Variants in LINGO2 observed in about 807,000 individuals in gnomAD.
LINGO2 encodes the protein leucine rich repeat and Ig domain containing 2, also known as leucine-rich repeat and immunoglobulin-like domain-containing nogo receptor-interacting protein 2.
In LINGO2, 14 loss-of-function variants were observed where a neutral mutation model predicts 30.6. That is an observed-to-expected ratio of 0.46 (90% CI 0.30 to 0.72). The LOEUF is 0.72. Ranked by LOEUF, LINGO2 falls within the 30% of genes least tolerant of loss-of-function variation. The pLI is 0.07. For synonymous variants in LINGO2, 317 were observed against 288.5 expected, an observed-to-expected ratio of 1.10 and a Z score of -1.00; for missense variants, 729 against 751.7, an observed-to-expected ratio of 0.97 and a Z score of 0.35.
the LINGO2 span, among the ~76,000 whole-genome samples, chr9:28,836,955 G>GA: frequency 6.6e-6 from 1 of 152,122 alleles, no homozygotes; most frequent in African/African-American, 2.4e-5. Context: ...CTAACATTGG[G>GA]AAAGTTGGTA....
the LINGO2 span, among the ~76,000 whole-genome samples, chr9:29,192,357 A>C: frequency 6.6e-6 from 1 of 152,228 alleles, no homozygotes; most frequent in East Asian, 1.9e-4. Flanking sequence ...TTCTAAAATT[A>C]TACTACAAAC....
At chr9:27,979,667 A>C (rs4142124) in intron 5 of LINGO2, among the ~76,000 whole-genome samples, 3 of 151,762 alleles carry the variant, frequency 2.0e-5, no homozygotes. Context: ...GTAGAATCCT[A>C]TATTTACTTC....
At chr9:28,419,361 CATT>C (rs1349115053) in intron 2 of LINGO2, among the ~76,000 whole-genome samples, 2 of 152,072 alleles carry the variant, frequency 1.3e-5, no homozygotes, top group Non-Finnish European at 2.9e-5. Context: ...AGTTCACAAA[CATT>C]ATTTCATTTT....
chr9:29,160,194 T>C, the LINGO2 span, among the ~76,000 whole-genome samples: 1 of 152,156 alleles, frequency 6.6e-6, no homozygotes, highest in Non-Finnish European at 1.5e-5. Context: ...AGTTTCCAGA[T>C]CTTGCAGATA....
chr9:28,730,614 G>A, the LINGO2 span, among the ~76,000 whole-genome samples: 3 of 152,068 alleles, frequency 2.0e-5, no homozygotes, highest in African/African-American at 7.2e-5. Context: ...AAACATAAAT[G>A]AGTCAATTAG....
the LINGO2 span, among the ~76,000 whole-genome samples, chr9:29,095,979 T>G: frequency 7.3e-6 from 1 of 137,462 alleles, no homozygotes; most frequent in East Asian, 2.5e-4. Flanking sequence ...CTTAGAAACT[T>G]AAAGTATACA....
chr9:27,950,107 A>G lies in LINGO2; in HGVS notation c.565T>C (p.Leu189=), dbSNP rs780557644. 18 of 1,613,970 alleles carry G rather than the reference A, an allele frequency of 1.1e-5. No homozygotes were observed. In the East Asian group the frequency reaches 3.6e-4, roughly 32 times the overall value. Reference sequence around the variant, plus strand: ...AGGGCTTCTGTTGGTACTGCTGTTAAGTTGCATTTCTCCAGGGTGAGCTGC... The same window carrying G: ...AGGGCTTCTGTTGGTACTGCTGTTAGGTTGCATTTCTCCAGGGTGAGCTGC... Residue 189 remains leucine, a synonymous_variant, in exon 6 of 6, where the codon TTA becomes CTA. Coordinates refer to ENST00000379992, the Ensembl canonical transcript of LINGO2.
At chr9:28,285,488 G>A (rs536136364) in intron 4 of LINGO2, among the ~76,000 whole-genome samples, 31 of 144,372 alleles carry the variant, frequency 2.1e-4, no homozygotes, top group African/African-American at 7.9e-4. Context: ...TCACTGCAAG[G>A]TCCGCCTCCC....
At chr9:28,123,656 T>G (rs1563988093) in intron 4 of LINGO2, among the ~76,000 whole-genome samples, 1 of 148,778 alleles carries the variant, frequency 6.7e-6, no homozygotes, top group African/African-American at 2.5e-5. Context: ...AGGTGGACAT[T>G]TAAAAAATAT....
At chr9:28,641,475 T>A (rs1409624233) in intron 1 of LINGO2, among the ~76,000 whole-genome samples, 1 of 152,104 alleles carries the variant, frequency 6.6e-6, no homozygotes, top group African/African-American at 2.4e-5. Context: ...AAAGGAAACA[T>A]TCACATAGCC....
At chr9:28,541,597 T>C (rs2135463990) in intron 1 of LINGO2, among the ~76,000 whole-genome samples, 1 of 152,242 alleles carries the variant, frequency 6.6e-6, no homozygotes, top group East Asian at 1.9e-4. Flanking sequence ...TGTCCACTAA[T>C]TGTAAACAAA....
At chr9:28,358,461 C>T (rs1221563637) in intron 3 of LINGO2, among the ~76,000 whole-genome samples, 1 of 152,106 alleles carries the variant, frequency 6.6e-6, no homozygotes, top group Non-Finnish European at 1.5e-5. Context: ...TCATGAGATA[C>T]TGTGCTGAAG....
chr9:28,698,885 T>A, the LINGO2 span, among the ~76,000 whole-genome samples: 4 of 151,688 alleles, frequency 2.6e-5, no homozygotes, highest in African/African-American at 9.7e-5. Context: ...CTACAAAACA[T>A]TTAACAATTA....
At chr9:28,894,040 T>C in the LINGO2 span, among the ~76,000 whole-genome samples, 1 of 152,128 alleles carries the variant, frequency 6.6e-6, no homozygotes. Flanking sequence ...CTGAGAATGA[T>C]GATTTCCAAT....
At chr9:29,034,622 A>G in the LINGO2 span, among the ~76,000 whole-genome samples, 1 of 152,184 alleles carries the variant, frequency 6.6e-6, no homozygotes, top group Non-Finnish European at 1.5e-5. Context: ...TCTCTGATCA[A>G]TAATTTTGCT....
chr9:28,949,568 C>A, the LINGO2 span, among the ~76,000 whole-genome samples: 1 of 151,988 alleles, frequency 6.6e-6, no homozygotes, highest in African/African-American at 2.4e-5. Flanking sequence ...AGGAAGAAGT[C>A]GAATCCCTGA....
chr9:28,848,381 G>GTA, the LINGO2 span, among the ~76,000 whole-genome samples: 2 of 56,070 alleles, frequency 3.6e-5, no homozygotes, highest in African/African-American at 9.9e-5. Context: ...GTGTGTGTGT[G>GTA]TGTGTGTGTG....
chr9:28,549,912 C>T (rs946365412), intron 1 of LINGO2, among the ~76,000 whole-genome samples: 3 of 151,658 alleles, frequency 2.0e-5, no homozygotes, highest in Non-Finnish European at 4.4e-5. Flanking sequence ...GGACATAAAA[C>T]TAAAAATTGA....
At chr9:28,368,911 C>T (rs1418040161) in intron 3 of LINGO2, among the ~76,000 whole-genome samples, 1 of 152,102 alleles carries the variant, frequency 6.6e-6, no homozygotes, top group Admixed American at 6.5e-5. Flanking sequence ...TGCCTTCTTT[C>T]TGTCCTAAAC....
Sources: gnomAD v4.1 joint callset for allele counts (sites outside exome capture counted in the v4.1 genomes callset) on GRCh38, gnomAD v4.1.1 for gene constraint, MANE v1.5 for transcripts, NCBI Gene and HGNC (gene_info 2026-07-23, HGNC 2026-07-21) for gene names.